FCAR: variants seen among roughly 807,000 people sequenced by gnomAD.
FCAR encodes Fc alpha receptor.
Under a neutral mutation model 27.1 loss-of-function variants are expected in FCAR, and 21 were observed. That is an observed-to-expected ratio of 0.77 (90% CI 0.55 to 1.11). The LOEUF (loss-of-function observed/expected upper bound fraction) is 1.11. Ranked by LOEUF, FCAR falls within the 50% of genes most tolerant of loss-of-function variation. The pLI is 0.00. For synonymous variants in FCAR, 134 were observed against 135.8 expected (o/e 0.99, Z 0.09); for missense variants, 404 against 358.4 (o/e 1.13, Z -1.03).
chr19:54,888,478 C>A (rs1018146178), intron 4 of FCAR, 184 bp downstream of exon 4: 2 of 1,424,084 alleles, frequency 1.4e-6, no homozygotes, highest in African/African-American at 2.9e-5. Flanking sequence ...CTAGAGTTCT[C>A]CAGACAGGGT....
chr19:54,886,398 C>T (rs1183614813), intron 3 of FCAR, among the ~76,000 whole-genome samples: 5 of 148,590 alleles, frequency 3.4e-5, no homozygotes, highest in Admixed American at 2.7e-4. Context: ...GCTCCAACCT[C>T]CCGGGTTCAC....
intron 1 of FCAR, 112 bp downstream of exon 1, chr19:54,874,435 T>C: frequency 1.9e-6 from 2 of 1,049,322 alleles, no homozygotes; most frequent in Admixed American, 1.9e-5. Flanking sequence ...AAGGAGATTC[T>C]GATCTCCTTA....
intron 2 of FCAR, among the ~76,000 whole-genome samples, chr19:54,883,824 G>A (rs2066551919): frequency 6.6e-6 from 1 of 152,156 alleles, no homozygotes; most frequent in African/African-American, 2.4e-5. Flanking sequence ...AGGCGTGGTG[G>A]CGGGCGCCTG....
At chr19:54,881,428 G>A (rs1232082745) in intron 2 of FCAR, among the ~76,000 whole-genome samples, 1 of 152,204 alleles carries the variant, frequency 6.6e-6, no homozygotes, top group African/African-American at 2.4e-5. Context: ...ACAGAGAAAC[G>A]CAGACTCACA....
chr19:54,878,615 C>T (rs1432535525), intron 2 of FCAR, among the ~76,000 whole-genome samples: 1 of 151,858 alleles, frequency 6.6e-6, no homozygotes, highest in Non-Finnish European at 1.5e-5. Flanking sequence ...CAGATTCCGA[C>T]TTCCGTGGCC....
intron 2 of FCAR, among the ~76,000 whole-genome samples, chr19:54,879,858 TA>T (rs1367769303): frequency 1.3e-5 from 2 of 152,110 alleles, no homozygotes; most frequent in Non-Finnish European, 2.9e-5. Context: ...TAATTTTTTA[TA>T]TTTTTTTAGT....
chr19:54,875,255 C>A (rs904795318), intron 1 of FCAR, 75 bp from the exon 2 acceptor site: 3 of 1,259,730 alleles, frequency 2.4e-6, no homozygotes, highest in South Asian at 1.2e-5. Context: ...TTTTTCTGGT[C>A]TGTCATTACA....
intron 2 of FCAR, among the ~76,000 whole-genome samples, chr19:54,882,584 G>A (rs1032661085): frequency 1.6e-4 from 24 of 151,556 alleles, no homozygotes; most frequent in African/African-American, 4.9e-4. Context: ...GATTACAGGT[G>A]TGTGCCACCA....
chr19:54,885,119 A>C, intron 2 of FCAR, 116 bp from the exon 3 acceptor site: 1 of 942,446 alleles, frequency 1.1e-6, no homozygotes. Context: ...ATTTTTTTTT[A>C]AATAAAGAAT....
At chr19:54,882,785 TGTGATGTCG>T (rs1161329943) in intron 2 of FCAR, among the ~76,000 whole-genome samples, 1 of 152,158 alleles carries the variant, frequency 6.6e-6, no homozygotes. Context: ...TTCCTTTAAC[TGTGATGTCG>T]GTTGAGTACA....
intron 2 of FCAR, among the ~76,000 whole-genome samples, chr19:54,876,483 T>C (rs2066096079): frequency 6.6e-6 from 1 of 152,224 alleles, no homozygotes; most frequent in Non-Finnish European, 1.5e-5. Context: ...ATCATTCTTA[T>C]TATTTTGAAA....
intron 2 of FCAR, among the ~76,000 whole-genome samples, chr19:54,881,554 G>A (rs1212054232): frequency 6.6e-6 from 1 of 152,034 alleles, no homozygotes; most frequent in South Asian, 2.1e-4. Context: ...GCTCCTCTCC[G>A]TATGGCGACT....
At chr19:54,885,201 A>G (rs10402324) in intron 2 of FCAR, 34 bp from the exon 3 acceptor site, 515,208 of 1,583,328 alleles carry the variant, frequency 0.33, 85,780 homozygotes, top group Admixed American at 0.49. Context: ...TCCCCATGGC[A>G]AGCCACCTCA....
chr19:54,874,238 C>T lies in FCAR; in HGVS notation c.-52C>T. ...TATTGTCGTAAGAATATCTGTCATC[C>T]TGCTAATGTGCATTGAAAGGAGAGC... On this transcript the variant is annotated 5_prime_UTR_variant, in exon 1 of 5. Coordinates refer to ENST00000355524, the MANE Select transcript of FCAR (RefSeq NM_002000.4). 6.2e-7 allele frequency: 1 copy of T among 1,603,416 alleles called. No individual in the cohort carries two copies. The highest frequency in any genetic ancestry group is 1.1e-5 in the South Asian group (1 of 90,784).
intron 2 of FCAR, among the ~76,000 whole-genome samples, chr19:54,877,225 G>A (rs1459623427): frequency 6.6e-6 from 1 of 152,104 alleles, no homozygotes; most frequent in African/African-American, 2.4e-5. Flanking sequence ...AGTCTGTCTG[G>A]TACTGGGCTT....
At chr19:54,876,782 G>A (rs80031150) in intron 2 of FCAR, among the ~76,000 whole-genome samples, 30,830 of 151,956 alleles carry the variant, frequency 0.2, 3,700 homozygotes, top group South Asian at 0.36. Flanking sequence ...TTAGCCAGGC[G>A]TGGTGGTGGG....
intron 2 of FCAR, among the ~76,000 whole-genome samples, chr19:54,882,356 C>T (rs1276757217): frequency 6.6e-6 from 1 of 152,014 alleles, no homozygotes; most frequent in Non-Finnish European, 1.5e-5. Flanking sequence ...TCGTTTCATT[C>T]ATCTCAATGT....
chr19:54,881,230 G>T (rs2066391856), intron 2 of FCAR, among the ~76,000 whole-genome samples: 1 of 152,216 alleles, frequency 6.6e-6, no homozygotes, highest in Non-Finnish European at 1.5e-5. Flanking sequence ...GCCCTGCCTA[G>T]TGATGAGCAG....
Position 54,885,217 on chromosome 19 carries a change from G to T in FCAR, c.71-18G>T. On this transcript the variant is annotated intron_variant, in intron 2 of 4. Transcript: ENST00000355524. ...CCCCATGGCAAGCCACCTCAGTCTG[G>T]GCTTTCTTTTCTTCCAGGGGACTTT... 1 of 1,606,812 alleles carries T rather than the reference G, an allele frequency of 6.2e-7. No homozygotes were observed. Among genetic ancestry groups the T allele is most frequent in the Non-Finnish European group, 8.5e-7 (1 of 1,175,400 alleles).
Sources: allele counts gnomAD v4.1 joint callset (sites outside exome capture counted in the v4.1 genomes callset), GRCh38; gene constraint gnomAD v4.1.1; transcripts MANE v1.5; gene names NCBI Gene and HGNC (gene_info 2026-07-23, HGNC 2026-07-21).